Variants in TENM3 observed in about 807,000 individuals in gnomAD.
TENM3 encodes the protein teneurin-3.
TENM3 carries 63 observed loss-of-function variants against 255.1 expected under a neutral mutation model. The observed-to-expected ratio is 0.25, with a 90% CI of 0.20 to 0.30. The LOEUF (loss-of-function observed/expected upper bound fraction) is 0.30. Ranked by LOEUF, TENM3 falls within the 10% of genes least tolerant of loss-of-function variation. The probability of loss-of-function intolerance (pLI) is 1.00; values close to 1 mark genes in which losing one functional copy is unlikely to be tolerated. For missense variants in TENM3, 2,929 were observed against 3,461.1 expected, an observed-to-expected ratio of 0.85 and a Z score of 3.86; for synonymous variants, 1,306 against 1,322.3, an observed-to-expected ratio of 0.99 and a Z score of 0.27.
intron 3 of TENM3, among the ~76,000 whole-genome samples, chr4:182,380,421 C>G (rs1406449745): frequency 3.9e-5 from 6 of 152,206 alleles, no homozygotes; most frequent in Non-Finnish European, 8.8e-5. Flanking sequence ...TGGACAGGCA[C>G]CATGTCCACT....
At chr4:182,294,737 T>A (rs1340831112) in intron 1 of TENM3, among the ~76,000 whole-genome samples, 11 of 152,226 alleles carry the variant, frequency 7.2e-5, no homozygotes, top group Non-Finnish European at 1.5e-4. Context: ...CCAAATGTTA[T>A]CACTTCCCAT....
chr4:182,551,569 T>C (rs527338102), intron 3 of TENM3, among the ~76,000 whole-genome samples: 4 of 151,964 alleles, frequency 2.6e-5, no homozygotes, highest in Non-Finnish European at 4.4e-5. Context: ...GATAATAATA[T>C]AGGAATAAAA....
chr4:182,131,100 C>A, the TENM3 span, among the ~76,000 whole-genome samples: 1 of 152,120 alleles, frequency 6.6e-6, no homozygotes. Context: ...TTTCAATAGA[C>A]CTTTCTTATA....
the TENM3 span, among the ~76,000 whole-genome samples, chr4:181,761,007 CACACA>C: frequency 1.1e-5 from 1 of 87,658 alleles, no homozygotes; most frequent in Non-Finnish European, 2.8e-5. Flanking sequence ...CACACACACA[CACACA>C]CCCCGAATAA....
the TENM3 span, among the ~76,000 whole-genome samples, chr4:182,075,010 T>C: frequency 8.3e-4 from 126 of 152,208 alleles, 1 homozygote; most frequent in Non-Finnish European, 1.3e-3. Context: ...ACGGGGGTTA[T>C]GTTACACGGT....
At chr4:182,597,220 T>C (rs939920982) in intron 3 of TENM3, among the ~76,000 whole-genome samples, 6 of 152,162 alleles carry the variant, frequency 3.9e-5, no homozygotes, top group African/African-American at 7.2e-5. Flanking sequence ...CTGGGCAACA[T>C]AGGGAAACCC....
the TENM3 span, among the ~76,000 whole-genome samples, chr4:181,960,985 A>G: frequency 6.6e-6 from 1 of 152,148 alleles, no homozygotes; most frequent in African/African-American, 2.4e-5. Flanking sequence ...TAGGGAATAG[A>G]TGGCTTTGGA....
At chr4:181,570,830 AG>A in the TENM3 span, among the ~76,000 whole-genome samples, 1 of 152,180 alleles carries the variant, frequency 6.6e-6, no homozygotes, top group Non-Finnish European at 1.5e-5. Flanking sequence ...ACACCTGTGA[AG>A]GGAAAAGGGG....
At chr4:182,769,521 C>T (rs534302122) in intron 22 of TENM3, among the ~76,000 whole-genome samples, 6 of 152,140 alleles carry the variant, frequency 3.9e-5, no homozygotes, top group South Asian at 2.1e-4. Flanking sequence ...TGGTGGCTCA[C>T]GCCTGTAATC....
At chr4:181,896,005 T>G in the TENM3 span, among the ~76,000 whole-genome samples, 1 of 152,178 alleles carries the variant, frequency 6.6e-6, no homozygotes, top group Non-Finnish European at 1.5e-5. Context: ...TTCCTGACAT[T>G]CCCCCTGCTA....
chr4:182,721,673 A>G (rs922478308), intron 13 of TENM3, among the ~76,000 whole-genome samples: 17 of 152,272 alleles, frequency 1.1e-4, no homozygotes, highest in African/African-American at 2.6e-4. Flanking sequence ...CTACTGCTCA[A>G]TTGCTTTGCA....
chr4:182,659,244 C>G (rs573867566), intron 6 of TENM3, among the ~76,000 whole-genome samples: 9 of 152,274 alleles, frequency 5.9e-5, no homozygotes, highest in Non-Finnish European at 1.0e-4. Context: ...CCCACATCCC[C>G]CCCTCCACAG....
chr4:181,628,784 T>A, the TENM3 span, among the ~76,000 whole-genome samples: 1 of 152,206 alleles, frequency 6.6e-6, no homozygotes, highest in Non-Finnish European at 1.5e-5. Context: ...TCCATCTTTG[T>A]TCTTTTGGCT....
chr4:181,841,476 C>T, the TENM3 span, among the ~76,000 whole-genome samples: 2 of 152,052 alleles, frequency 1.3e-5, no homozygotes, highest in African/African-American at 4.8e-5. Context: ...AAATAATGCT[C>T]TTTGTTCCCA....
chr4:182,606,450 G>A (rs1158995247), intron 4 of TENM3, among the ~76,000 whole-genome samples: 1 of 151,032 alleles, frequency 6.6e-6, no homozygotes, highest in East Asian at 1.9e-4. Flanking sequence ...CTTGAACCCG[G>A]GAGGCAGTGG....
chr4:181,531,319 C>T, the TENM3 span, among the ~76,000 whole-genome samples: 137 of 152,304 alleles, frequency 9.0e-4, no homozygotes, highest in East Asian at 1.9e-4. Flanking sequence ...TGAACCCCAA[C>T]GACAAAGTTG....
At chr4:181,595,559 T>C in the TENM3 span, among the ~76,000 whole-genome samples, 4 of 152,064 alleles carry the variant, frequency 2.6e-5, no homozygotes, top group Non-Finnish European at 5.9e-5. Context: ...GGAAGCTTGT[T>C]AGTGATATAC....
chr4:181,712,935 T>G, the TENM3 span, among the ~76,000 whole-genome samples: 1 of 152,212 alleles, frequency 6.6e-6, no homozygotes, highest in Non-Finnish European at 1.5e-5. Flanking sequence ...TCAGGGTTGA[T>G]TAATTGATTA....
intron 5 of TENM3, among the ~76,000 whole-genome samples, chr4:182,651,238 G>A (rs1024696597): frequency 1.3e-5 from 2 of 152,136 alleles, no homozygotes; most frequent in African/African-American, 4.8e-5. Flanking sequence ...TTCAAAACTC[G>A]TGAAGCATCT....
Sources: allele counts gnomAD v4.1 joint callset (sites outside exome capture counted in the v4.1 genomes callset), GRCh38; gene constraint gnomAD v4.1.1; transcripts MANE v1.5; gene names NCBI Gene and HGNC (gene_info 2026-07-23, HGNC 2026-07-21).